Variants in CD38 observed in about 807,000 individuals in gnomAD.
CD38 encodes CD38 molecule, also known as ADP-ribosyl cyclase/cyclic ADP-ribose hydrolase 1.
A neutral mutation model predicts 36.3 loss-of-function variants in CD38; 31 were observed. That is an observed-to-expected ratio of 0.85 (90% CI 0.64 to 1.15). CD38 has a LOEUF of 1.15. Among genes scored for constraint, CD38 ranks in the 50% most tolerant of loss-of-function variants. The pLI is 0.00. For synonymous variants in CD38, 131 were observed against 135.2 expected (o/e 0.97, Z 0.22); for missense variants, 380 against 371.9 (o/e 1.02, Z -0.18).
At chr4:15,782,012 C>T (rs1722708524) in intron 1 of CD38, among the ~76,000 whole-genome samples, 1 of 152,190 alleles carries the variant, frequency 6.6e-6, no homozygotes, top group Non-Finnish European at 1.5e-5. Context: ...CAGGAACATC[C>T]AAGATGTCCC....
intron 1 of CD38, among the ~76,000 whole-genome samples, chr4:15,783,671 G>C (rs1463934221): frequency 6.6e-6 from 1 of 152,200 alleles, no homozygotes; most frequent in Non-Finnish European, 1.5e-5. Flanking sequence ...CTTAATCAGA[G>C]AAAATCTTTC....
intron 1 of CD38, among the ~76,000 whole-genome samples, chr4:15,811,861 C>G (rs544273837): frequency 1.8e-4 from 27 of 152,306 alleles, no homozygotes; most frequent in African/African-American, 6.0e-4. Context: ...ACTGGAAGTA[C>G]TTTAAACAAG....
intron 1 of CD38, among the ~76,000 whole-genome samples, chr4:15,797,515 A>C (rs1354276207): frequency 4.6e-5 from 7 of 152,184 alleles, no homozygotes. Context: ...GAGGTGTGGC[A>C]GGTATGCCAT....
At chr4:15,789,837 AG>A (rs1186290860) in intron 1 of CD38, among the ~76,000 whole-genome samples, 1 of 152,172 alleles carries the variant, frequency 6.6e-6, no homozygotes, top group African/African-American at 2.4e-5. Flanking sequence ...CTGGTAAGCA[AG>A]AAGGCTGTCA....
intron 2 of CD38, among the ~76,000 whole-genome samples, chr4:15,818,791 T>A (rs1178538445): frequency 6.6e-6 from 1 of 151,726 alleles, no homozygotes; most frequent in Non-Finnish European, 1.5e-5. Context: ...GCCTGACTGC[T>A]AAAAGAAAAA....
At chr4:15,788,860 T>C (rs1722895916) in intron 1 of CD38, among the ~76,000 whole-genome samples, 1 of 152,218 alleles carries the variant, frequency 6.6e-6, no homozygotes, top group Admixed American at 6.5e-5. Context: ...TCTGAGTAGA[T>C]ATAAAACTGG....
intron 1 of CD38, among the ~76,000 whole-genome samples, chr4:15,789,379 C>T (rs764197365): frequency 6.6e-5 from 10 of 152,110 alleles, no homozygotes; most frequent in East Asian, 1.9e-4. Flanking sequence ...ACAACTTACT[C>T]ATTTATGAAG....
At chr4:15,790,544 C>T (rs1237645761) in intron 1 of CD38, among the ~76,000 whole-genome samples, 4 of 152,092 alleles carry the variant, frequency 2.6e-5, no homozygotes, top group African/African-American at 9.7e-5. Context: ...ACCTCCCAGC[C>T]GCCTGCCTTG....
At position 15,804,213 on chromosome 4, in the gene CD38, TATTA is replaced by T. The variant is rs113173400; in HGVS notation, c.234-12295_234-12292del. Reference sequence around the variant, plus strand: ...CTGGGTTGAATGGTAATTCAGTTTTTATTAATAGTTCTTTAAGAAATCTCCAAAG... The same window carrying T: ...CTGGGTTGAATGGTAATTCAGTTTTTATAGTTCTTTAAGAAATCTCCAAAG... On this transcript the variant is annotated intron_variant, in intron 1 of 7. Coordinates refer to ENST00000226279, the MANE Select transcript of CD38 (RefSeq NM_001775.4). Among the ~76,000 whole-genome samples, 235 of 152,340 alleles carry T rather than the reference TATTA, an allele frequency of 1.5e-3. 2 individuals are homozygous for T. Among genetic ancestry groups the T allele is most frequent in the African/African-American group, 5.2e-3 (216 of 41,576 alleles).
At chr4:15,842,028 C>T (rs1405148608) in intron 7 of CD38, among the ~76,000 whole-genome samples, 1 of 142,186 alleles carries the variant, frequency 7.0e-6, no homozygotes, top group Non-Finnish European at 1.5e-5. Context: ...AACAAAGCAG[C>T]CAGGAAGCTC....
At position 15,778,349 on chromosome 4, in the gene CD38, C is replaced by CCT. The variant is rs1416401517; in HGVS notation, c.-59_-58dup. 1.6e-5 allele frequency: 17 copies of CCT among 1,057,470 alleles called. No individual in the cohort carries two copies. In the South Asian group the frequency reaches 2.0e-4, roughly 13 times the overall value. The allele number at this position is 1,057,470 out of a possible 1,614,324, so 65.5% of individuals were successfully genotyped here. On this transcript the variant is annotated 5_prime_UTR_variant, in exon 1 of 8. Coordinates refer to ENST00000226279, the MANE Select transcript of CD38 (RefSeq NM_001775.4). This position sits in a 1 kb window ranked among gnomAD's most constrained non-coding sequence, Gnocchi z 4.9. The stretch of plus-strand genomic sequence containing the variant: ...AGGTGCAGTTTCAGAACCCAGCCAG[C>CCT]CTCTCTCTTGCTGCCTAGCCTCCTG...
At chr4:15,791,014 G>A (rs1402182483) in intron 1 of CD38, among the ~76,000 whole-genome samples, 3 of 144,674 alleles carry the variant, frequency 2.1e-5, no homozygotes, top group Admixed American at 6.7e-5. Flanking sequence ...GAGCGTCTCC[G>A]CCCGGCAGCC....
At chr4:15,803,644 A>G (rs368824378) in intron 1 of CD38, among the ~76,000 whole-genome samples, 6 of 152,210 alleles carry the variant, frequency 3.9e-5, no homozygotes, top group African/African-American at 1.4e-4. Flanking sequence ...AAGAATGCAG[A>G]TAAAAGGAAA....
At chr4:15,821,799 A>T (rs1040832536) in intron 2 of CD38, among the ~76,000 whole-genome samples, 3 of 151,960 alleles carry the variant, frequency 2.0e-5, no homozygotes, top group African/African-American at 7.2e-5. Context: ...GTTCCAAAAA[A>T]TTGAAAAGTA....
chr4:15,800,229 C>G (rs550006620), intron 1 of CD38, among the ~76,000 whole-genome samples: 63 of 152,264 alleles, frequency 4.1e-4, no homozygotes, highest in African/African-American at 1.4e-3. Flanking sequence ...TAAAATAAAC[C>G]TGTCTTAACT....
intron 1 of CD38, among the ~76,000 whole-genome samples, chr4:15,791,612 T>C (rs1411740616): frequency 2.3e-5 from 2 of 85,334 alleles, no homozygotes; most frequent in Non-Finnish European, 2.2e-5. Context: ...AGCCGCCCCG[T>C]CCGGGAGGGA....
chr4:15,821,350 T>G (rs1723729812), intron 2 of CD38, among the ~76,000 whole-genome samples: 1 of 151,092 alleles, frequency 6.6e-6, no homozygotes, highest in Non-Finnish European at 1.5e-5. Context: ...AGAGCAGAAC[T>G]GAAGGAGATA....
intron 7 of CD38, among the ~76,000 whole-genome samples, chr4:15,841,727 G>A (rs1724214189): frequency 6.7e-6 from 1 of 148,722 alleles, no homozygotes; most frequent in Non-Finnish European, 1.5e-5. Flanking sequence ...CCGAAGCAGG[G>A]CGAGGCATTG....
chr4:15,787,157 T>C (rs1001658644), intron 1 of CD38, among the ~76,000 whole-genome samples: 1 of 152,204 alleles, frequency 6.6e-6, no homozygotes, highest in Non-Finnish European at 1.5e-5. Context: ...TCTCCCACAG[T>C]GCAGCTGTGG....
Sources: allele counts gnomAD v4.1 joint callset (sites outside exome capture counted in the v4.1 genomes callset), GRCh38; gene constraint gnomAD v4.1.1; non-coding constraint Gnocchi (gnomAD v3.1); transcripts MANE v1.5; gene names NCBI Gene and HGNC (gene_info 2026-07-23, HGNC 2026-07-21).